EDIL3: variants seen among roughly 807,000 people sequenced by gnomAD.
EDIL3 encodes EGF-like repeat and discoidin I-like domain-containing protein 3.
In EDIL3, 37 loss-of-function variants were observed where a neutral mutation model predicts 67.4. The ratio of observed to expected loss-of-function variants is 0.55; its 90% CI spans 0.42 to 0.72. The LOEUF is 0.72. Ranked by LOEUF, EDIL3 falls within the 30% of genes least tolerant of loss-of-function variation. EDIL3 has a pLI of 0.00. For missense variants in EDIL3, 527 were observed against 586.3 expected (o/e 0.90, Z 1.04); for synonymous variants, 195 against 196.3 (o/e 0.99, Z 0.05).
intron 10 of EDIL3, among the ~76,000 whole-genome samples, chr5:83,958,976 T>A (rs1744560896): frequency 6.6e-6 from 1 of 151,152 alleles, no homozygotes; most frequent in Admixed American, 6.6e-5. Context: ...AATGAGAGTG[T>A]CATCACAGGC....
intron 3 of EDIL3, among the ~76,000 whole-genome samples, chr5:84,194,866 C>A (rs935826794): frequency 6.6e-6 from 1 of 151,764 alleles, no homozygotes; most frequent in South Asian, 2.1e-4. Flanking sequence ...AGTAAGGTTT[C>A]CTTCACGAAA....
intron 10 of EDIL3, among the ~76,000 whole-genome samples, chr5:83,955,514 A>G (rs1346538083): frequency 6.6e-6 from 1 of 151,748 alleles, no homozygotes; most frequent in East Asian, 2.0e-4. Flanking sequence ...TGGAGAAAAA[A>G]GATAATTAGC....
chr5:84,217,721 AACACACACACAC>A (rs61264723), intron 3 of EDIL3, among the ~76,000 whole-genome samples: 11 of 135,012 alleles, frequency 8.1e-5, no homozygotes, highest in East Asian at 2.2e-4. Flanking sequence ...TATACACACA[AACACACACACAC>A]ACACACACAC....
intron 1 of EDIL3, among the ~76,000 whole-genome samples, chr5:84,368,387 A>G (rs1462332619): frequency 6.6e-6 from 1 of 152,198 alleles, no homozygotes; most frequent in Non-Finnish European, 1.5e-5. Context: ...GGGAAAGGAC[A>G]GGTTCTTCAA....
intron 3 of EDIL3, among the ~76,000 whole-genome samples, chr5:84,196,687 T>C (rs1387222514): frequency 6.6e-6 from 1 of 152,040 alleles, no homozygotes; most frequent in Non-Finnish European, 1.5e-5. Context: ...CTGCTAGGAA[T>C]GAAACTTTAA....
At chr5:83,972,856 T>C (rs1744817029) in intron 9 of EDIL3, among the ~76,000 whole-genome samples, 1 of 152,122 alleles carries the variant, frequency 6.6e-6, no homozygotes, top group Non-Finnish European at 1.5e-5. Context: ...TTCTGTCTTT[T>C]AAAATGAGCA....
chr5:84,006,186 C>T (rs1223849062), intron 9 of EDIL3, among the ~76,000 whole-genome samples: 3 of 151,552 alleles, frequency 2.0e-5, no homozygotes, highest in Admixed American at 1.3e-4. Context: ...GGAAGTCAGA[C>T]ATTGTCACAA....
At chr5:84,322,927 A>AC (rs1746678419) in intron 1 of EDIL3, among the ~76,000 whole-genome samples, 1 of 152,018 alleles carries the variant, frequency 6.6e-6, no homozygotes, top group Admixed American at 6.6e-5. Context: ...AAATGCTACA[A>AC]GAAAAAAAAT....
At chr5:84,202,945 T>C (rs1743876088) in intron 3 of EDIL3, among the ~76,000 whole-genome samples, 1 of 152,026 alleles carries the variant, frequency 6.6e-6, no homozygotes, top group Admixed American at 6.6e-5. Context: ...AAGGAACAAA[T>C]AAAGCCTGAG....
chr5:84,338,750 T>C (rs564209870), intron 1 of EDIL3, among the ~76,000 whole-genome samples: 14 of 152,232 alleles, frequency 9.2e-5, no homozygotes, highest in South Asian at 4.1e-4. Flanking sequence ...TGAAACCTTT[T>C]ACTAGGAAAA....
chr5:83,954,199 T>A (rs189603476), intron 10 of EDIL3, among the ~76,000 whole-genome samples: 122 of 151,804 alleles, frequency 8.0e-4, no homozygotes, highest in African/African-American at 2.6e-3. Context: ...CATTTTTTTT[T>A]ATCATATAAT....
rs543414762 is a variant in EDIL3, at chr5:83,976,312, T to C, written c.1138-12952A>G. On this transcript the variant is annotated intron_variant, in intron 9 of 10. Transcript: ENST00000296591. ...GTTTGGGAGATTGAAAGGTAAACTG[T>C]CAAGACTAATTCTGAAATAACACTT... 2.0e-5 allele frequency among the ~76,000 whole-genome samples: 3 copies of C among 151,970 alleles called. No homozygotes were observed. In the South Asian group the frequency reaches 6.2e-4, roughly 31 times the overall value.
chr5:84,052,714 G>T (rs1432603318), intron 9 of EDIL3, among the ~76,000 whole-genome samples: 1 of 152,162 alleles, frequency 6.6e-6, no homozygotes, highest in Admixed American at 6.5e-5. Flanking sequence ...GACAAAGAAG[G>T]CCATTACATA....
chr5:84,362,096 G>A (rs1041978099), intron 1 of EDIL3, among the ~76,000 whole-genome samples: 2 of 151,960 alleles, frequency 1.3e-5, no homozygotes, highest in African/African-American at 4.8e-5. Context: ...AAGAAACCCA[G>A]TTTTAATTAT....
chr5:83,998,987 C>A (rs1042917420), intron 9 of EDIL3, among the ~76,000 whole-genome samples: 3 of 152,114 alleles, frequency 2.0e-5, no homozygotes, highest in African/African-American at 7.2e-5. Flanking sequence ...TAAGAGATTG[C>A]TGGTAATCCA....
chr5:84,132,307 ATATATTATATATATTTTATAT>A (rs1437460115), intron 5 of EDIL3, among the ~76,000 whole-genome samples: 4 of 69,346 alleles, frequency 5.8e-5, no homozygotes, highest in Non-Finnish European at 1.2e-4. Flanking sequence ...TATATATAAT[ATATATTATATATATTTTATAT>A]AATATATATT....
intron 9 of EDIL3, among the ~76,000 whole-genome samples, chr5:83,967,051 G>T (rs1744702327): frequency 1.3e-5 from 2 of 152,138 alleles, no homozygotes; most frequent in Non-Finnish European, 2.9e-5. Flanking sequence ...TTCTGGGTAT[G>T]GTGGCTCACG....
chr5:84,223,862 C>T (rs1744397779), intron 3 of EDIL3, among the ~76,000 whole-genome samples: 1 of 151,288 alleles, frequency 6.6e-6, no homozygotes, highest in Admixed American at 6.6e-5. Flanking sequence ...ATGTATTTAA[C>T]ACATCACATT....
intron 10 of EDIL3, among the ~76,000 whole-genome samples, chr5:83,951,918 G>T (rs919021617): frequency 6.6e-6 from 1 of 151,710 alleles, no homozygotes; most frequent in African/African-American, 2.4e-5. Context: ...TGGCAAGCTG[G>T]CATAGGCAAT....
Sources: gnomAD v4.1 joint callset for allele counts (sites outside exome capture counted in the v4.1 genomes callset) on GRCh38, gnomAD v4.1.1 for gene constraint, MANE v1.5 for transcripts, NCBI Gene and HGNC (gene_info 2026-07-23, HGNC 2026-07-21) for gene names.